Variants in SPRR2F observed in about 807,000 individuals in gnomAD.
The protein encoded by SPRR2F is small proline-rich protein 2F.
In SPRR2F, 2 loss-of-function variants were observed where a neutral mutation model predicts 0.8. That is an observed-to-expected ratio of 2.52 (90% CI 1.03 to 7.95). SPRR2F has a LOEUF of 7.95. Ranked by LOEUF, SPRR2F falls within the 30% of genes most tolerant of loss-of-function variation. The pLI is 0.04. For missense variants in SPRR2F, 80 were observed against 85.8 expected, an observed-to-expected ratio of 0.93 and a Z score of 0.27; for synonymous variants, 39 against 33.4, an observed-to-expected ratio of 1.17 and a Z score of -0.58.
At chr1:153,114,825 T>G (rs1655688405), upstream of SPRR2F, among the ~76,000 whole-genome samples, 1 of 152,208 alleles carries the variant, frequency 6.6e-6, no homozygotes. Context: ...TTCATATCTT[T>G]TGTAAACTCT....
upstream of SPRR2F, among the ~76,000 whole-genome samples, chr1:153,116,368 G>A (rs778661911): frequency 4.6e-5 from 7 of 152,088 alleles, no homozygotes; most frequent in Non-Finnish European, 1.0e-4. Flanking sequence ...ATGTGATTCT[G>A]TTTGGTTGGT....
At chr1:153,112,820 T>C in intron 1 of SPRR2F, 68 bp from the exon 2 acceptor site, 1 of 1,597,436 alleles carries the variant, frequency 6.3e-7, no homozygotes, top group Non-Finnish European at 8.5e-7. Context: ...AAAGCTTATG[T>C]AATACCATGG....
At chr1:153,115,367 A>G (rs1172265290), upstream of SPRR2F, among the ~76,000 whole-genome samples, 1 of 152,186 alleles carries the variant, frequency 6.6e-6, no homozygotes, top group Admixed American at 6.5e-5. Context: ...CTAACATGCA[A>G]AATTGGAGAA....
chr1:153,117,927 A>C (rs930129615), upstream of SPRR2F, among the ~76,000 whole-genome samples: 1 of 152,110 alleles, frequency 6.6e-6, no homozygotes, highest in African/African-American at 2.4e-5. Context: ...AAGAGGGCTG[A>C]CAGCATTGTA....
chr1:153,112,124 A>C lies in SPRR2F; in HGVS notation c.*391T>G, dbSNP rs1290570789. The stretch of plus-strand genomic sequence containing the variant: ...ACAAAAGATCCATTCACAAATATAT[A>C]TGCATAGATTCTTTATTCAGGGAGT... On this transcript the variant is annotated 3_prime_UTR_variant, in exon 2 of 2. Coordinates refer to ENST00000468739, the MANE Select transcript of SPRR2F (RefSeq NM_001014450.3). 1 of 287,582 alleles carries C rather than the reference A, an allele frequency of 3.5e-6. No individual in the cohort carries two copies. Among genetic ancestry groups the C allele is most frequent in the Non-Finnish European group, 6.4e-6 (1 of 155,198 alleles). 17.8% of individuals were successfully genotyped at this position (287,582 alleles called of 1,614,324 possible).
At chr1:153,119,448 G>T in the SPRR2F span, among the ~76,000 whole-genome samples, 688 of 152,302 alleles carry the variant, frequency 4.5e-3, 6 homozygotes, top group African/African-American at 0.016. Context: ...AGACCCAGAA[G>T]ATTAACGTCA....
chr1:153,116,837 A>T (rs1444030958), upstream of SPRR2F, among the ~76,000 whole-genome samples: 1 of 152,156 alleles, frequency 6.6e-6, no homozygotes, highest in African/African-American at 2.4e-5. Context: ...TTGTCCGATT[A>T]TGATGAAATT....
chr1:153,114,851 G>C (rs1463495773), upstream of SPRR2F, among the ~76,000 whole-genome samples: 1 of 152,102 alleles, frequency 6.6e-6, no homozygotes, highest in East Asian at 1.9e-4. Flanking sequence ...CAATTAGTGA[G>C]GCTTACTAAA....
the SPRR2F span, among the ~76,000 whole-genome samples, chr1:153,118,537 G>A: frequency 6.6e-6 from 1 of 152,092 alleles, no homozygotes; most frequent in Non-Finnish European, 1.5e-5. Flanking sequence ...CAGATGTCTT[G>A]GAGATCAGGA....
chr1:153,115,879 G>A (rs1026699806), upstream of SPRR2F, among the ~76,000 whole-genome samples: 2 of 152,026 alleles, frequency 1.3e-5, no homozygotes, highest in African/African-American at 4.8e-5. Context: ...TTTTTGAAGG[G>A]ATTATTAAGT....
Position 153,112,419 on chromosome 1 carries a change from C to T in SPRR2F, c.*96G>A, listed in dbSNP as rs750728378. 8.7e-5 allele frequency: 133 copies of T among 1,531,320 alleles called. No homozygotes were observed. The highest frequency in any genetic ancestry group is 1.1e-4 in the Non-Finnish European group (125 of 1,136,896). The allele number at this position is 1,531,320 out of a possible 1,614,324, so 94.9% of individuals were successfully genotyped here. ...AGAGGAAAGAAGCTCCCTGTGTATC[C>T]CTGGATGGCTTTGATGAGAAGATGC... On this transcript the variant is annotated 3_prime_UTR_variant, in exon 2 of 2. Coordinates refer to ENST00000468739, the MANE Select transcript of SPRR2F (RefSeq NM_001014450.3).
chr1:153,113,974 C>T (rs565126305), upstream of SPRR2F, among the ~76,000 whole-genome samples: 10 of 147,348 alleles, frequency 6.8e-5, no homozygotes, highest in South Asian at 1.5e-3. Context: ...CTAACAAAGG[C>T]CTGGGTTCTG....
chr1:153,112,261 T>C lies in SPRR2F; in HGVS notation c.*254A>G, dbSNP rs1480725212. On this transcript the variant is annotated 3_prime_UTR_variant, in exon 2 of 2. Coordinates refer to ENST00000468739, the MANE Select transcript of SPRR2F (RefSeq NM_001014450.3). ...GGTTCCCAGGGAGAGAGCTGCTCTT[T>C]CTTCTGAAGCTCTGGGAGCTGGCAC... 1.7e-6 allele frequency: 1 copy of C among 579,918 alleles called. No homozygotes were observed. The highest frequency in any genetic ancestry group is 1.9e-5 in the African/African-American group (1 of 53,316). The allele number at this position is 579,918 out of a possible 1,614,324, so 35.9% of individuals were successfully genotyped here. A position where few individuals can be genotyped will look rare whatever the true frequency, so the allele number is the denominator to read the frequency against.
At chr1:153,115,243 T>C (rs1655700449), upstream of SPRR2F, among the ~76,000 whole-genome samples, 1 of 152,166 alleles carries the variant, frequency 6.6e-6, no homozygotes, top group South Asian at 2.1e-4. Context: ...CTATTACGCA[T>C]GCTAAGCACA....
Position 153,112,915 on chromosome 1 carries a change from C to T in SPRR2F, c.-19-163G>A, listed in dbSNP as rs111226851. 6.5e-3 allele frequency among the ~76,000 whole-genome samples: 990 copies of T among 152,240 alleles called. 15 individuals are homozygous for T. The highest frequency in any genetic ancestry group is 0.022 in the African/African-American group (922 of 41,532). On this transcript the variant is annotated intron_variant, in intron 1 of 1. Transcript: ENST00000468739. ...CCCTGGCTTCTCACTTCCACTTCAG[C>T]GAATTACTTCATTGTCCCTGGGAAC...
chr1:153,112,396 A>G lies in SPRR2F; in HGVS notation c.*119T>C, dbSNP rs1303782097. 7.4e-6 allele frequency: 11 copies of G among 1,494,690 alleles called. No individual in the cohort carries two copies. In the Admixed American group the frequency reaches 1.3e-4, roughly 18 times the overall value. The allele number at this position is 1,494,690 out of a possible 1,614,324, so 92.6% of individuals were successfully genotyped here. On this transcript the variant is annotated 3_prime_UTR_variant, in exon 2 of 2. Transcript: ENST00000468739. Reference sequence around the variant, plus strand: ...CATCACAGGCCGATCACAGGCTAAGAGGAAAGAAGCTCCCTGTGTATCCCT... The same window carrying G: ...CATCACAGGCCGATCACAGGCTAAGGGGAAAGAAGCTCCCTGTGTATCCCT...
At chr1:153,113,208 G>T (rs549774531) in intron 1 of SPRR2F, among the ~76,000 whole-genome samples, 7 of 152,114 alleles carry the variant, frequency 4.6e-5, no homozygotes, top group African/African-American at 1.7e-4. Context: ...CAGAAAAGCA[G>T]AGAAAAAAAG....
upstream of SPRR2F, among the ~76,000 whole-genome samples, chr1:153,117,848 G>A (rs1655747783): frequency 1.3e-5 from 2 of 151,954 alleles, no homozygotes; most frequent in Non-Finnish European, 2.9e-5. Flanking sequence ...ATAAATAAAG[G>A]AAAGCAAGTA....
At chr1:153,117,736 G>T, upstream of SPRR2F, among the ~76,000 whole-genome samples, 1 of 152,068 alleles carries the variant, frequency 6.6e-6, no homozygotes, top group East Asian at 1.9e-4. Context: ...TTAAAAACAT[G>T]GGCTAAGAAA....
Sources: allele counts gnomAD v4.1 joint callset (sites outside exome capture counted in the v4.1 genomes callset), GRCh38; gene constraint gnomAD v4.1.1; transcripts MANE v1.5; gene names NCBI Gene and HGNC (gene_info 2026-07-23, HGNC 2026-07-21).